USH1C: variants seen among roughly 807,000 people sequenced by gnomAD.
The protein encoded by USH1C is harmonin.
USH1C carries 90 observed loss-of-function variants against 119.3 expected under a neutral mutation model. That is an observed-to-expected ratio of 0.75 (90% CI 0.64 to 0.90). The LOEUF is 0.90. Ranked by LOEUF, USH1C falls within the 40% of genes least tolerant of loss-of-function variation. The pLI is 0.00. For synonymous variants in USH1C, 465 were observed against 443.3 expected, an observed-to-expected ratio of 1.05 and a Z score of -0.62; for missense variants, 1,165 against 1,167.7, an observed-to-expected ratio of 1.00 and a Z score of 0.03.
chr11:17,517,525 C>A (rs1850211659), intron 14 of USH1C: 5 of 1,537,738 alleles, frequency 3.3e-6, no homozygotes, highest in Non-Finnish European at 3.5e-6. Flanking sequence ...GACTTGGGAG[C>A]CCAAGAGGCC....
chr11:17,541,114 C>T (rs1330584198), intron 1 of USH1C, among the ~76,000 whole-genome samples: 1 of 152,086 alleles, frequency 6.6e-6, no homozygotes, highest in African/African-American at 2.4e-5. Context: ...CTCCTCACTT[C>T]TTCTAGGTCT....
At chr11:17,498,482 C>T (rs1446450455) in intron 23 of USH1C, among the ~76,000 whole-genome samples, 3 of 152,180 alleles carry the variant, frequency 2.0e-5, no homozygotes, top group Non-Finnish European at 2.9e-5. Flanking sequence ...TCCACACCCC[C>T]TCACCCCAGC....
Position 17,501,150 on chromosome 11 carries a change from C to A in USH1C, c.2281G>T (p.Glu761Ter). Residue 761 changes from glutamate to a stop codon, truncating the protein, a stop_gained and splice_region_variant, in exon 23 of 27, where the codon GAG becomes TAG. Coordinates refer to ENST00000005226, the MANE Select transcript of USH1C (RefSeq NM_153676.4). LOFTEE classifies it high-confidence loss of function. ...TCCAGGGCCAGGTCTAAGGATCCCT[C>A]CTGGTTAGAGGAAAACAGGCCTTAG... ...KDVRLLRIKK[E>*]GSLDLALEGG... 6.2e-7 allele frequency: 1 copy of A among 1,612,948 alleles called. No homozygotes were observed. Among genetic ancestry groups the A allele is most frequent in the Non-Finnish European group, 8.5e-7 (1 of 1,179,466 alleles).
At chr11:17,525,793 T>G (rs1850641372) in intron 8 of USH1C, among the ~76,000 whole-genome samples, 1 of 152,230 alleles carries the variant, frequency 6.6e-6, no homozygotes, top group South Asian at 2.1e-4. Flanking sequence ...AAGGTAACAC[T>G]GTTCTGCCTC....
chr11:17,506,510 CT>C (rs566977383), intron 18 of USH1C, among the ~76,000 whole-genome samples: 149 of 152,308 alleles, frequency 9.8e-4, no homozygotes, highest in African/African-American at 2.8e-3. Flanking sequence ...CCCCCAAACC[CT>C]CCCCAGTGTC....
At chr11:17,502,116 C>A (rs770210234) in intron 20 of USH1C, 136 bp from the exon 21 acceptor site, 1 of 827,228 alleles carries the variant, frequency 1.2e-6, no homozygotes, top group Non-Finnish European at 1.9e-6. Context: ...GGCCAGGGTA[C>A]GGGATGCAGA....
chr11:17,536,983 G>A (rs1851255137), intron 1 of USH1C, among the ~76,000 whole-genome samples: 1 of 152,188 alleles, frequency 6.6e-6, no homozygotes, highest in Non-Finnish European at 1.5e-5. Flanking sequence ...AAATATCTCA[G>A]AAAGACTCAG....
chr11:17,542,108 T>C (rs191584008), intron 1 of USH1C, among the ~76,000 whole-genome samples: 131 of 152,340 alleles, frequency 8.6e-4, no homozygotes, highest in Admixed American at 6.5e-3. Flanking sequence ...TTAAATATTG[T>C]TATCTCTTTT....
chr11:17,532,021 T>C (rs923425632), intron 2 of USH1C, among the ~76,000 whole-genome samples: 7 of 152,306 alleles, frequency 4.6e-5, no homozygotes, highest in South Asian at 2.1e-4. Context: ...TTTCTCAGTG[T>C]AAGGCACTCC....
intron 18 of USH1C, among the ~76,000 whole-genome samples, chr11:17,507,669 G>A (rs574735396): frequency 7.1e-4 from 108 of 152,322 alleles, no homozygotes; most frequent in Middle Eastern, 6.8e-3. Context: ...TTTTTGGACA[G>A]GGATGCCCAG....
Position 17,509,764 on chromosome 11 carries a change from T to C in USH1C, c.1605A>G (p.Gly535=), listed in dbSNP as rs150963440. Residue 535 remains glycine, a synonymous_variant, in exon 18 of 27, where the codon GGA becomes GGG. Coordinates refer to ENST00000005226, the MANE Select transcript of USH1C (RefSeq NM_153676.4). ...CCAGGTCAGTGGTGTGCAGGTGCAGTCCGCCTGCGAAGCGTCTCAAGGGTG... is the reference window on the plus strand; with the variant it reads ...CCAGGTCAGTGGTGTGCAGGTGCAGCCCGCCTGCGAAGCGTCTCAAGGGTG... ...LAPPLRRFAG[G]LHLHTTDLDD... 2.5e-5 allele frequency: 40 copies of C among 1,583,056 alleles called. No homozygotes were observed. In the African/African-American group the frequency reaches 5.2e-4, roughly 21 times the overall value.
chr11:17,501,860 C>T (rs1409659319), intron 21 of USH1C, 79 bp downstream of exon 21: 14 of 1,517,086 alleles, frequency 9.2e-6, no homozygotes, highest in African/African-American at 1.4e-5. Flanking sequence ...GCCCAGAATG[C>T]ACCACTATCA....
Position 17,522,828 on chromosome 11 carries a change from C to T in USH1C, c.975G>A (p.Met325Ile). 1.2e-6 allele frequency: 2 copies of T among 1,613,782 alleles called. No homozygotes were observed. The highest frequency in any genetic ancestry group is 8.5e-7 in the Non-Finnish European group (1 of 1,179,916). The change falls in exon 12 of 27, where the codon ATG (methionine) becomes ATA (isoleucine). Residue 325 changes from methionine (M) to isoleucine (I), a missense_variant. Physicochemically the swap from Met to Ile is conservative, Grantham distance 10. Transcript: ENST00000005226. ...QELLMQKRLA[M>I]ESNKILQEQQ... Reference sequence around the variant, plus strand: ...GCTCCTGGAGGATCTTGTTGGACTCCATCGCCAGCCGCTTCTGCATGAGAA... The same window carrying T: ...GCTCCTGGAGGATCTTGTTGGACTCTATCGCCAGCCGCTTCTGCATGAGAA...
intron 23 of USH1C, among the ~76,000 whole-genome samples, chr11:17,500,004 C>T (rs1046118368): frequency 4.6e-5 from 7 of 152,208 alleles, no homozygotes; most frequent in Non-Finnish European, 7.3e-5. Context: ...CCACAAAGGG[C>T]CACAAAGGAC....
intron 1 of USH1C, among the ~76,000 whole-genome samples, chr11:17,534,426 G>A (rs1486229148): frequency 4.6e-5 from 7 of 152,240 alleles, no homozygotes; most frequent in Admixed American, 3.3e-4. Context: ...AGATCTGACA[G>A]TACCTCCTTC....
At chr11:17,542,596 C>A (rs1057420289) in intron 1 of USH1C, among the ~76,000 whole-genome samples, 2 of 152,232 alleles carry the variant, frequency 1.3e-5, no homozygotes, top group Non-Finnish European at 1.5e-5. Flanking sequence ...AACCCAGGAT[C>A]TGCATCAGAC....
At position 17,501,671 on chromosome 11, in the gene USH1C, C is replaced by T. The variant is rs189766214; in HGVS notation, c.2227-136G>A. 2,222 of 1,069,956 alleles carry T rather than the reference C, an allele frequency of 2.1e-3. 30 individuals are homozygous for T. Among genetic ancestry groups the T allele is most frequent in the African/African-American group, 0.015 (968 of 63,796 alleles). 66.3% of individuals were successfully genotyped at this position (1,069,956 alleles called of 1,614,324 possible). Reference sequence around the variant, plus strand: ...CATGGGCAAGGGGACCGTGCCCAGCCCCACCCCTACTGGTCTTCAACTGGG... The same window carrying T: ...CATGGGCAAGGGGACCGTGCCCAGCTCCACCCCTACTGGTCTTCAACTGGG... On this transcript the variant is annotated intron_variant, in intron 21 of 26. Transcript: ENST00000005226.
intron 14 of USH1C, among the ~76,000 whole-genome samples, chr11:17,518,845 C>A (rs1008729946): frequency 2.6e-5 from 4 of 152,054 alleles, no homozygotes; most frequent in African/African-American, 9.7e-5. Flanking sequence ...CATAGTGAAA[C>A]CCTGTCTCTA....
Position 17,531,627 on chromosome 11 carries a change from C to T in USH1C, c.105-85G>A. On this transcript the variant is annotated intron_variant, in intron 2 of 26. Transcript: ENST00000005226. The surrounding 1 kb of genome is among the most constrained non-coding windows in gnomAD (Gnocchi z 4.2). ...GGATTCCAAGAGGAAGCCATTTCAG[C>T]CACTGGGCCCAGGCTTAGGAATGGA... 2 of 1,558,054 alleles carry T rather than the reference C, an allele frequency of 1.3e-6. No homozygotes were observed. Among genetic ancestry groups the T allele is most frequent in the Non-Finnish European group, 8.7e-7 (1 of 1,150,768 alleles).
Sources: allele counts gnomAD v4.1 joint callset (sites outside exome capture counted in the v4.1 genomes callset), GRCh38; gene constraint gnomAD v4.1.1; non-coding constraint Gnocchi (gnomAD v3.1); transcripts MANE v1.5; gene names NCBI Gene and HGNC (gene_info 2026-07-23, HGNC 2026-07-21).